Variants in SLC18B1 observed in about 807,000 individuals in gnomAD.
SLC18B1 encodes the protein MFS-type transporter SLC18B1.
A neutral mutation model predicts 53.9 loss-of-function variants in SLC18B1; 62 were observed. The ratio of observed to expected loss-of-function variants is 1.15; its 90% CI spans 0.94 to 1.42. SLC18B1 has a LOEUF of 1.42. SLC18B1 is among the 40% of genes most tolerant of loss of function. The pLI is 0.00. For synonymous variants in SLC18B1, 217 were observed against 200.9 expected (o/e 1.08, Z -0.68); for missense variants, 598 against 547.3 (o/e 1.09, Z -0.93).
chr6:132,781,054 T>A (rs761324951), intron 6 of SLC18B1, among the ~76,000 whole-genome samples: 3 of 152,158 alleles, frequency 2.0e-5, no homozygotes, highest in Non-Finnish European at 4.4e-5. Flanking sequence ...ACTAAGGATG[T>A]TAGTTACTTT....
chr6:132,790,524 C>T (rs931243779), intron 2 of SLC18B1, among the ~76,000 whole-genome samples: 4 of 152,030 alleles, frequency 2.6e-5, no homozygotes, highest in African/African-American at 7.2e-5. Flanking sequence ...CTTTATGTGG[C>T]AAAAGTCAGA....
chr6:132,792,359 A>AG lies in SLC18B1; in HGVS notation c.184-2088_184-2087insC, dbSNP rs1423315356. ...AGGAAGGAAGGAAGGAAGGAAGGGA[A>AG]AGAAAGAAAAGAAGGAAAGAAAGAG... On this transcript the variant is annotated intron_variant, in intron 2 of 13. Transcript: ENST00000275227. 8.8e-5 allele frequency among the ~76,000 whole-genome samples: 12 copies of AG among 136,108 alleles called. 1 individual carries two copies. Among genetic ancestry groups the AG allele is most frequent in the Admixed American group, 1.4e-4 (2 of 14,026 alleles). 89.3% of individuals were successfully genotyped at this position (136,108 alleles called of 152,430 possible). A position where few individuals can be genotyped will look rare whatever the true frequency, so the allele number is the denominator to read the frequency against.
At chr6:132,795,149 A>C (rs1781639791) in intron 2 of SLC18B1, among the ~76,000 whole-genome samples, 1 of 149,076 alleles carries the variant, frequency 6.7e-6, no homozygotes, top group African/African-American at 2.5e-5. Flanking sequence ...GGGAAGCCAG[A>C]AGAAAATGAT....
intron 2 of SLC18B1, among the ~76,000 whole-genome samples, chr6:132,792,224 T>TAAGAAAGAAAGAAAGAAAGAAAGA (rs1562271190): frequency 4.7e-5 from 2 of 42,332 alleles, no homozygotes; most frequent in African/African-American, 2.3e-4. Context: ...CAAGACACTG[T>TAAGAAAGAAAGAAAGAAAGAAAGA]CAGAAAGAAA....
At chr6:132,771,917 C>A (rs549064661) in intron 11 of SLC18B1, among the ~76,000 whole-genome samples, 33 of 152,208 alleles carry the variant, frequency 2.2e-4, no homozygotes, top group Non-Finnish European at 4.6e-4. Context: ...CACGGTGAAA[C>A]CCTGTCTCTA....
intron 5 of SLC18B1, among the ~76,000 whole-genome samples, chr6:132,784,795 A>G (rs1185109288): frequency 1.3e-5 from 2 of 152,238 alleles, no homozygotes; most frequent in Admixed American, 6.5e-5. Flanking sequence ...GTTTTGCAAT[A>G]GCAAAAGATG....
rs41286186 is a variant in SLC18B1 at position 132,790,156 on chromosome 6, G to A, written c.279+21C>T. 2,541 of 1,493,052 alleles carry A rather than the reference G, an allele frequency of 1.7e-3. 6 individuals carry two copies. Among genetic ancestry groups the A allele is most frequent in the Non-Finnish European group, 1.8e-3 (2,017 of 1,106,298 alleles). The allele number at this position is 1,493,052 out of a possible 1,614,324, so 92.5% of individuals were successfully genotyped here. On this transcript the variant is annotated intron_variant, in intron 3 of 13. Transcript: ENST00000275227. ...ATATAATTTTTAAAAATTAAGATGT[G>A]CATATGAACTTTATACTTACATAGT...
chr6:132,780,566 T>G (rs1370826416), intron 6 of SLC18B1, among the ~76,000 whole-genome samples: 10 of 43,236 alleles, frequency 2.3e-4, no homozygotes, highest in South Asian at 7.7e-4. Flanking sequence ...GTGGTGTTAG[T>G]TTTTTTTTTT....
chr6:132,796,354 CAAAAAAAAAA>C (rs780737208), intron 2 of SLC18B1, among the ~76,000 whole-genome samples: 2 of 44,700 alleles, frequency 4.5e-5, no homozygotes, highest in African/African-American at 1.1e-4. Flanking sequence ...GACTCCATCT[CAAAAAAAAAA>C]AAAAAAAAAA....
intron 5 of SLC18B1, among the ~76,000 whole-genome samples, chr6:132,787,086 A>C (rs1159483120): frequency 6.6e-6 from 1 of 152,234 alleles, no homozygotes; most frequent in Non-Finnish European, 1.5e-5. Context: ...TCTAAAGCAG[A>C]GGAATGCTTC....
intron 2 of SLC18B1, among the ~76,000 whole-genome samples, chr6:132,792,233 A>AAGAAAG (rs1562271230): frequency 7.1e-4 from 2 of 2,818 alleles, no homozygotes; most frequent in African/African-American, 3.2e-3. Flanking sequence ...GTCAGAAAGA[A>AAGAAAG]AGAAAGAAAG....
At position 132,774,929 on chromosome 6, in the gene SLC18B1, C is replaced by CA. The variant is rs912906165; in HGVS notation, c.898-617dup. Among the ~76,000 whole-genome samples, 10 of 151,474 alleles carry CA rather than the reference C, an allele frequency of 6.6e-5. No individual in the cohort carries two copies. The East Asian group carries it at 1.7e-3, about 26-fold the overall frequency. On this transcript the variant is annotated intron_variant, in intron 8 of 13. Transcript: ENST00000275227. ...CTGTCTCAAAAAAAAGCAGTGACCA[C>CA]AAAAAAAACCCACCAAGTATTAATA...
At chr6:132,777,347 C>T (rs1355633055) in intron 7 of SLC18B1, among the ~76,000 whole-genome samples, 1 of 152,138 alleles carries the variant, frequency 6.6e-6, no homozygotes, top group African/African-American at 2.4e-5. Flanking sequence ...TCTGAGGAAA[C>T]CTCCTGTCTT....
At chr6:132,781,780 G>GA (rs1781244004) in intron 6 of SLC18B1, among the ~76,000 whole-genome samples, 1 of 150,518 alleles carries the variant, frequency 6.6e-6, no homozygotes, top group Non-Finnish European at 1.5e-5. Flanking sequence ...GAAAAGAAAA[G>GA]AAAAGAAAAA....
intron 2 of SLC18B1, among the ~76,000 whole-genome samples, chr6:132,795,251 A>AT (rs1448194463): frequency 6.6e-6 from 1 of 150,520 alleles, no homozygotes; most frequent in African/African-American, 2.4e-5. Context: ...TTTTTCCCAT[A>AT]TTTTTTCACT....
At position 132,787,418 on chromosome 6, in the gene SLC18B1, C is replaced by T; in HGVS notation, c.501+16G>A. 1 of 1,546,252 alleles carries T rather than the reference C, an allele frequency of 6.5e-7. No individual in the cohort carries two copies. The highest frequency in any genetic ancestry group is 8.7e-7 in the Non-Finnish European group (1 of 1,151,802). On this transcript the variant is annotated intron_variant, in intron 5 of 13. Coordinates refer to ENST00000275227, the MANE Select transcript of SLC18B1 (RefSeq NM_052831.3). The stretch of plus-strand genomic sequence containing the variant: ...TACACTCAAAGGAAAGTGGGAAATA[C>T]TTCTAAAATACATACCAATACCGTA...
At chr6:132,784,842 C>A (rs1046339399) in intron 5 of SLC18B1, among the ~76,000 whole-genome samples, 5 of 151,914 alleles carry the variant, frequency 3.3e-5, no homozygotes, top group Non-Finnish European at 7.4e-5. Flanking sequence ...TGTAAGTAAA[C>A]CAGGTTATAT....
intron 6 of SLC18B1, among the ~76,000 whole-genome samples, chr6:132,780,571 T>G (rs943399381): frequency 6.9e-6 from 1 of 144,896 alleles, no homozygotes; most frequent in Non-Finnish European, 1.5e-5. Context: ...GTTAGTTTTT[T>G]TTTTTTTTTT....
In SLC18B1 at chr6:132,784,067, C is replaced by T. The variant is rs756461664; in HGVS notation, c.524G>A (p.Gly175Glu). The T allele has an allele frequency of 5.1e-6, 8 of 1,571,162 alleles. No individual in the cohort carries two copies. In the South Asian group the frequency reaches 9.6e-5, roughly 19 times the overall value. Reference sequence around the variant, plus strand: ...AGGAGGACCTAGTATTAGCCCCAGTCCAGAAAAAGTCTCAAGACTTCCCTT... The same window carrying T: ...AGGAGGACCTAGTATTAGCCCCAGTTCAGAAAAAGTCTCAAGACTTCCCTT... ...TVLGSLETFS[G>E]LGLILGPPVG... Residue 175 changes from glycine (G) to glutamate (E), a missense_variant, in exon 6 of 14, where the codon GGA becomes GAA. Gly to Glu is a moderately conservative substitution (Grantham distance 98). Transcript: ENST00000275227.
Sources: gnomAD v4.1 joint callset for allele counts (sites outside exome capture counted in the v4.1 genomes callset) on GRCh38, gnomAD v4.1.1 for gene constraint, MANE v1.5 for transcripts, NCBI Gene and HGNC (gene_info 2026-07-23, HGNC 2026-07-21) for gene names.